Variants in PHF24 observed in about 807,000 individuals in gnomAD.
PHF24 encodes PHD finger protein 24.
In PHF24, 25 loss-of-function variants were observed where a neutral mutation model predicts 42.6. That is an observed-to-expected ratio of 0.59 (90% CI 0.43 to 0.82). The LOEUF is 0.82. Ranked by LOEUF, PHF24 falls within the 40% of genes least tolerant of loss-of-function variation. PHF24 has a pLI of 0.00. For missense variants in PHF24, 470 were observed against 538.1 expected, an observed-to-expected ratio of 0.87 and a Z score of 1.25; for synonymous variants, 185 against 204.8, an observed-to-expected ratio of 0.90 and a Z score of 0.83.
chr9:34,940,332 C>G, the PHF24 span, among the ~76,000 whole-genome samples: 1 of 151,998 alleles, frequency 6.6e-6, no homozygotes, highest in African/African-American at 2.4e-5. Context: ...CTCTCCCACC[C>G]TGAATCCTGT....
the PHF24 span, among the ~76,000 whole-genome samples, chr9:34,861,436 T>G: frequency 6.6e-6 from 1 of 152,134 alleles, no homozygotes; most frequent in African/African-American, 2.4e-5. Flanking sequence ...AGAGCAAATT[T>G]CAATATTTTT....
At chr9:34,938,514 A>G in the PHF24 span, among the ~76,000 whole-genome samples, 1 of 152,216 alleles carries the variant, frequency 6.6e-6, no homozygotes, top group Non-Finnish European at 1.5e-5. Flanking sequence ...GCACATGGTT[A>G]TATCGCCAGG....
At chr9:34,852,735 G>T in the PHF24 span, among the ~76,000 whole-genome samples, 2 of 152,118 alleles carry the variant, frequency 1.3e-5, no homozygotes, top group Non-Finnish European at 2.9e-5. Context: ...GTTTCATTAT[G>T]ATATGTTTTT....
chr9:34,907,329 A>G, the PHF24 span, among the ~76,000 whole-genome samples: 16 of 152,292 alleles, frequency 1.1e-4, no homozygotes, highest in East Asian at 2.1e-3. Context: ...CCTACTGTCC[A>G]TGAAAAAGGA....
At chr9:34,936,757 C>G in the PHF24 span, among the ~76,000 whole-genome samples, 1 of 150,900 alleles carries the variant, frequency 6.6e-6, no homozygotes. Flanking sequence ...TCTGCCCGGC[C>G]GCGACCCCGT....
chr9:34,894,439 A>G, the PHF24 span: 1 of 398,598 alleles, frequency 2.5e-6, no homozygotes. Flanking sequence ...AGAAGAGATT[A>G]CCTTTTCATG....
the PHF24 span, chr9:34,833,108 G>A: frequency 1.1e-4 from 163 of 1,551,350 alleles, no homozygotes; most frequent in South Asian, 1.1e-4. Flanking sequence ...CCCAAACCCC[G>A]CATCCCCTTC....
chr9:34,856,923 G>A, the PHF24 span, among the ~76,000 whole-genome samples: 2 of 152,254 alleles, frequency 1.3e-5, no homozygotes, highest in South Asian at 4.1e-4. Flanking sequence ...ATCCCAGGGA[G>A]AGATCAGAGT....
chr9:34,682,484 T>G, the PHF24 span, among the ~76,000 whole-genome samples: 1 of 152,160 alleles, frequency 6.6e-6, no homozygotes, highest in African/African-American at 2.4e-5. Flanking sequence ...TGATATTATG[T>G]TAGGTGATAC....
At chr9:34,969,427 G>A (rs1172534909) in intron 1 of PHF24, among the ~76,000 whole-genome samples, 1 of 151,800 alleles carries the variant, frequency 6.6e-6, no homozygotes, top group Non-Finnish European at 1.5e-5. Context: ...GGATCATGAG[G>A]TCAGGAGATC....
the PHF24 span, among the ~76,000 whole-genome samples, chr9:34,754,302 G>C: frequency 3.2e-4 from 48 of 152,188 alleles, no homozygotes; most frequent in African/African-American, 1.1e-3. Context: ...AAGAGCTCTG[G>C]AATATATTAG....
chr9:34,932,365 G>C, the PHF24 span, among the ~76,000 whole-genome samples: 1 of 152,216 alleles, frequency 6.6e-6, no homozygotes, highest in Non-Finnish European at 1.5e-5. Context: ...TAGCCCAGAG[G>C]TTCTGCAGAG....
At chr9:34,881,844 C>G in the PHF24 span, among the ~76,000 whole-genome samples, 4 of 152,202 alleles carry the variant, frequency 2.6e-5, no homozygotes, top group Non-Finnish European at 5.9e-5. Flanking sequence ...AAGAGGGAAT[C>G]CTCCCTAATT....
chr9:34,975,578 T>C (rs1047778540), intron 3 of PHF24, among the ~76,000 whole-genome samples: 7 of 152,344 alleles, frequency 4.6e-5, no homozygotes, highest in African/African-American at 1.4e-4. Flanking sequence ...TTAAAACTTC[T>C]GTGGCACTAC....
the PHF24 span, among the ~76,000 whole-genome samples, chr9:34,938,915 C>T: frequency 7.6e-3 from 968 of 127,782 alleles, 12 homozygotes; most frequent in African/African-American, 0.027. Flanking sequence ...CCAGCCTGGG[C>T]GACAGAGCGA....
the PHF24 span, among the ~76,000 whole-genome samples, chr9:34,841,715 A>G: frequency 1.3e-5 from 2 of 152,050 alleles, no homozygotes; most frequent in Non-Finnish European, 2.9e-5. Flanking sequence ...AAAATTAGCC[A>G]GGAGTGGTGG....
chr9:34,676,956 G>A, the PHF24 span, among the ~76,000 whole-genome samples: 2 of 152,164 alleles, frequency 1.3e-5, no homozygotes, highest in Non-Finnish European at 2.9e-5. Context: ...ATCACCTCCC[G>A]CCAGGCCCTA....
At chr9:34,721,580 T>G in the PHF24 span, among the ~76,000 whole-genome samples, 1 of 152,132 alleles carries the variant, frequency 6.6e-6, no homozygotes, top group Non-Finnish European at 1.5e-5. Context: ...CCAGATAATT[T>G]TTGTATTTTT....
chr9:34,925,651 T>G, the PHF24 span, among the ~76,000 whole-genome samples: 1 of 152,154 alleles, frequency 6.6e-6, no homozygotes, highest in African/African-American at 2.4e-5. Context: ...GATATCTATC[T>G]CTTGTTGAAG....
Sources: allele counts gnomAD v4.1 joint callset (sites outside exome capture counted in the v4.1 genomes callset), GRCh38; gene constraint gnomAD v4.1.1; transcripts MANE v1.5; gene names NCBI Gene and HGNC (gene_info 2026-07-23, HGNC 2026-07-21).